PDE4D: variants seen among roughly 807,000 people sequenced by gnomAD.
The protein encoded by PDE4D is 3',5'-cyclic-AMP phosphodiesterase 4D.
Under a neutral mutation model 87.4 loss-of-function variants are expected in PDE4D, and 24 were observed. That is an observed-to-expected ratio of 0.27 (90% CI 0.20 to 0.39). PDE4D has a LOEUF of 0.39. Among genes scored for constraint, PDE4D ranks in the 10% least tolerant of loss-of-function variants. The pLI is 1.00. For synonymous variants in PDE4D, 384 were observed against 383.2 expected (o/e 1.00, Z -0.02); for missense variants, 714 against 1,041.0 (o/e 0.69, Z 4.32).
intron 1 of PDE4D, among the ~76,000 whole-genome samples, chr5:59,301,230 G>T (rs1770185853): frequency 6.6e-6 from 1 of 152,084 alleles, no homozygotes; most frequent in African/African-American, 2.4e-5. Flanking sequence ...GAGAGAAGGA[G>T]AAGGTCAGGG....
In PDE4D at chr5:58,993,596, T is replaced by C. The variant is rs118150486; in HGVS notation, c.922-131A>G. ...TGTCCTGACAATTTAGAACAGTGCCTTCCAGCAGAACTTTCTTCAATGAGG... is the reference window on the plus strand; with the variant it reads ...TGTCCTGACAATTTAGAACAGTGCCCTCCAGCAGAACTTTCTTCAATGAGG... On this transcript the variant is annotated intron_variant, in intron 6 of 14. Transcript: ENST00000340635. 8.1e-5 allele frequency: 45 copies of C among 558,082 alleles called. No individual in the cohort carries two copies. In the East Asian group the frequency reaches 1.4e-3, roughly 18 times the overall value. 34.6% of individuals were successfully genotyped at this position (558,082 alleles called of 1,614,324 possible).
chr5:59,748,768 C>T (rs369763009), intron 1 of PDE4D, among the ~76,000 whole-genome samples: 16 of 152,200 alleles, frequency 1.1e-4, no homozygotes, highest in Non-Finnish European at 2.1e-4. Context: ...CAAACCTGCA[C>T]GCTGTGCACA....
chr5:59,225,386 T>C (rs1753544605), intron 1 of PDE4D, among the ~76,000 whole-genome samples: 1 of 152,194 alleles, frequency 6.6e-6, no homozygotes, highest in African/African-American at 2.4e-5. Flanking sequence ...CAGTACCACA[T>C]TGTTTTGATT....
chr5:59,328,307 C>T (rs926243306), intron 1 of PDE4D, among the ~76,000 whole-genome samples: 1 of 152,092 alleles, frequency 6.6e-6, no homozygotes, highest in African/African-American at 2.4e-5. Context: ...TACTACATCC[C>T]TCCTATGTTT....
chr5:59,088,058 C>CT (rs919712257), intron 5 of PDE4D, among the ~76,000 whole-genome samples: 1 of 152,100 alleles, frequency 6.6e-6, no homozygotes, highest in African/African-American at 2.4e-5. Flanking sequence ...AATTCCTAGG[C>CT]ATGCAATACA....
chr5:60,153,914 G>A (rs932994655), intron 2 of PDE4D, among the ~76,000 whole-genome samples: 5 of 152,148 alleles, frequency 3.3e-5, no homozygotes, highest in Admixed American at 6.5e-5. Flanking sequence ...TATGTAAGAC[G>A]AATAAGTCCT....
chr5:59,138,143 TTCA>T (rs1777393965), intron 5 of PDE4D, among the ~76,000 whole-genome samples: 1 of 152,202 alleles, frequency 6.6e-6, no homozygotes, highest in Non-Finnish European at 1.5e-5. Context: ...TGGGCAAAGT[TTCA>T]GATTTGAGAA....
chr5:59,475,717 T>A (rs1487151081), intron 1 of PDE4D, among the ~76,000 whole-genome samples: 1 of 152,070 alleles, frequency 6.6e-6, no homozygotes, highest in Non-Finnish European at 1.5e-5. Context: ...CAGTGCTTTT[T>A]TAGGCTTTCA....
chr5:60,078,799 G>A (rs1251114360), intron 2 of PDE4D, among the ~76,000 whole-genome samples: 1 of 152,148 alleles, frequency 6.6e-6, no homozygotes, highest in African/African-American at 2.4e-5. Flanking sequence ...ATGGGCATTT[G>A]GTTTGGTTCC....
chr5:59,790,386 G>A lies in PDE4D; in HGVS notation c.455+102782C>T, dbSNP rs78376728. ...TTTTTTCTTACCTTCAAAATATTTC[G>A]GGCTTCATGTGAAACTAAAGCCTTT... On this transcript the variant is annotated intron_variant, in intron 1 of 14. Coordinates refer to ENST00000340635, the MANE Select transcript of PDE4D (RefSeq NM_001104631.2). Among the ~76,000 whole-genome samples, 1,067 of 152,120 alleles carry A rather than the reference G, an allele frequency of 7.0e-3. 34 individuals are homozygous for A. The highest frequency in any genetic ancestry group is 0.068 in the East Asian group (349 of 5,168).
chr5:59,721,281 A>AAAGAGGGGAGGGCTAAG (rs1755791292), intron 1 of PDE4D, among the ~76,000 whole-genome samples: 2 of 152,108 alleles, frequency 1.3e-5, no homozygotes, highest in Admixed American at 1.3e-4. Flanking sequence ...TCTATTGTCA[A>AAAGAGGGGAGGGCTAAG]CCCTGAGGAA....
intron 2 of PDE4D, among the ~76,000 whole-genome samples, chr5:60,145,989 G>A (rs1228611191): frequency 6.6e-6 from 1 of 152,176 alleles, no homozygotes; most frequent in East Asian, 1.9e-4. Flanking sequence ...TGAGGCAGGC[G>A]GGTCACCTGA....
At position 59,179,299 on chromosome 5, in the gene PDE4D, G is replaced by A. The variant is rs1455111541; in HGVS notation, c.808+1296C>T. Among the ~76,000 whole-genome samples, 3 of 151,874 alleles carry A rather than the reference G, an allele frequency of 2.0e-5. No homozygotes were observed. The East Asian group carries it at 5.8e-4, about 30-fold the overall frequency. On this transcript the variant is annotated intron_variant, in intron 5 of 14. Transcript: ENST00000340635. The stretch of plus-strand genomic sequence containing the variant: ...GTATTTTTAGTAGAGATGGGGTTTC[G>A]CCATGTTGGCCAGGCTGGTCTTGAA...
chr5:59,194,043 C>T (rs1268923522), intron 2 of PDE4D, among the ~76,000 whole-genome samples: 1 of 152,152 alleles, frequency 6.6e-6, no homozygotes, highest in African/African-American at 2.4e-5. Context: ...CTAATAAAAA[C>T]CCAGTGAAAT....
At chr5:60,081,436 T>C (rs1773937786) in intron 2 of PDE4D, among the ~76,000 whole-genome samples, 1 of 152,198 alleles carries the variant, frequency 6.6e-6, no homozygotes, top group African/African-American at 2.4e-5. Flanking sequence ...GGCTAGCTTT[T>C]GGATTAGTTT....
At chr5:59,655,817 T>A (rs1744257327) in intron 1 of PDE4D, among the ~76,000 whole-genome samples, 1 of 152,128 alleles carries the variant, frequency 6.6e-6, no homozygotes, top group South Asian at 2.1e-4. Flanking sequence ...AATGATAAAA[T>A]CAAGATTTAA....
chr5:60,067,169 A>T (rs1376761675), intron 2 of PDE4D, among the ~76,000 whole-genome samples: 2 of 152,118 alleles, frequency 1.3e-5, no homozygotes, highest in Non-Finnish European at 2.9e-5. Flanking sequence ...CCTAGAAAAT[A>T]TCCTGAGCAG....
At chr5:59,416,891 A>G (rs1793694906) in intron 1 of PDE4D, among the ~76,000 whole-genome samples, 1 of 152,340 alleles carries the variant, frequency 6.6e-6, no homozygotes, top group East Asian at 1.9e-4. Context: ...AAGAAATGCT[A>G]ATAAAATTAT....
At chr5:60,453,293 A>T (rs748303003) in intron 1 of PDE4D, among the ~76,000 whole-genome samples, 3 of 152,140 alleles carry the variant, frequency 2.0e-5, no homozygotes, top group Non-Finnish European at 2.9e-5. Context: ...TATTCCACAG[A>T]TGTGAATGGA....
Sources: allele counts gnomAD v4.1 joint callset (sites outside exome capture counted in the v4.1 genomes callset), GRCh38; gene constraint gnomAD v4.1.1; transcripts MANE v1.5; gene names NCBI Gene and HGNC (gene_info 2026-07-23, HGNC 2026-07-21).